TFEC: variants seen among roughly 807,000 people sequenced by gnomAD.
The protein encoded by TFEC is class E basic helix-loop-helix protein 34.
Under a neutral mutation model 41.6 loss-of-function variants are expected in TFEC, and 31 were observed. The ratio of observed to expected loss-of-function variants is 0.74; its 90% CI spans 0.56 to 1.01. The LOEUF (loss-of-function observed/expected upper bound fraction) is 1.01. TFEC is among the 50% of genes least tolerant of loss of function. The pLI is 0.00. For synonymous variants in TFEC, 143 were observed against 140.6 expected (o/e 1.02, Z -0.12); for missense variants, 402 against 404.1 (o/e 0.99, Z 0.04).
chr7:116,084,611 T>C (rs1447584445), intron 3 of TFEC, among the ~76,000 whole-genome samples: 2 of 151,696 alleles, frequency 1.3e-5, no homozygotes, highest in East Asian at 1.9e-4. Context: ...TGAGGCTACA[T>C]AGTTTCTGAA....
At chr7:116,047,624 T>C (rs1420509202) in intron 3 of TFEC, among the ~76,000 whole-genome samples, 1 of 152,108 alleles carries the variant, frequency 6.6e-6, no homozygotes, top group Admixed American at 6.5e-5. Context: ...GACTTAAACC[T>C]CCCTGTCTGA....
At chr7:116,145,119 A>G (rs2116420718) in intron 1 of TFEC, among the ~76,000 whole-genome samples, 1 of 152,312 alleles carries the variant, frequency 6.6e-6, no homozygotes, top group East Asian at 1.9e-4. Context: ...TACCTTAGGA[A>G]AGTTTTGATT....
chr7:115,980,670 A>C (rs115469292), intron 2 of TFEC, among the ~76,000 whole-genome samples: 2 of 152,154 alleles, frequency 1.3e-5, no homozygotes, highest in Non-Finnish European at 2.9e-5. Flanking sequence ...CAATCTCTTG[A>C]ACCCAGGTGG....
chr7:115,958,884 T>G (rs1792379720), intron 3 of TFEC, among the ~76,000 whole-genome samples: 2 of 151,854 alleles, frequency 1.3e-5, no homozygotes, highest in African/African-American at 4.8e-5. Context: ...AGTTTCAAAG[T>G]GTGTAATACA....
intron 1 of TFEC, among the ~76,000 whole-genome samples, chr7:115,985,695 C>T (rs913497424): frequency 6.6e-6 from 1 of 151,858 alleles, no homozygotes; most frequent in Non-Finnish European, 1.5e-5. Flanking sequence ...ATTGTACTAG[C>T]ATAAAATAAT....
chr7:116,082,016 T>C (rs1358491852), intron 3 of TFEC, among the ~76,000 whole-genome samples: 1 of 152,012 alleles, frequency 6.6e-6, no homozygotes, highest in East Asian at 1.9e-4. Context: ...TACTTATATC[T>C]TTAGTATGGT....
At chr7:116,105,385 G>C (rs1201170339) in intron 3 of TFEC, among the ~76,000 whole-genome samples, 1 of 152,198 alleles carries the variant, frequency 6.6e-6, no homozygotes, top group Non-Finnish European at 1.5e-5. Flanking sequence ...CTTTCTCTGA[G>C]CTACAAATCC....
intron 6 of TFEC, among the ~76,000 whole-genome samples, chr7:115,949,591 C>T (rs1411954754): frequency 2.0e-5 from 3 of 151,990 alleles, no homozygotes; most frequent in Non-Finnish European, 4.4e-5. Context: ...GAAAAACAAG[C>T]AATGGGGAAA....
chr7:115,977,088 A>C (rs1394676356), intron 2 of TFEC, among the ~76,000 whole-genome samples: 2 of 152,126 alleles, frequency 1.3e-5, no homozygotes, highest in Admixed American at 1.3e-4. Context: ...AAAATCTAAA[A>C]CCCAGCCTAA....
At chr7:115,998,524 AC>A (rs1022211655) in intron 1 of TFEC, among the ~76,000 whole-genome samples, 1 of 152,024 alleles carries the variant, frequency 6.6e-6, no homozygotes, top group Non-Finnish European at 1.5e-5. Flanking sequence ...AATCAAAAAA[AC>A]ATAGAATGGC....
At chr7:116,053,494 T>C (rs1796361820) in intron 3 of TFEC, among the ~76,000 whole-genome samples, 1 of 152,238 alleles carries the variant, frequency 6.6e-6, no homozygotes, top group African/African-American at 2.4e-5. Flanking sequence ...AAAAGTCATG[T>C]TGAAACCTAT....
At chr7:116,157,502 T>C (rs1038434482) in intron 1 of TFEC, 1 of 152,026 alleles carries the variant, frequency 6.6e-6, no homozygotes, top group Non-Finnish European at 1.5e-5. Flanking sequence ...CTGAAATGGG[T>C]TTGTGATTAT....
chr7:116,137,768 C>T (rs1012453874), intron 1 of TFEC, among the ~76,000 whole-genome samples: 1 of 152,008 alleles, frequency 6.6e-6, no homozygotes, highest in African/African-American at 2.4e-5. Context: ...TCTTACCTTC[C>T]TATCAATTTA....
chr7:116,120,364 A>G (rs1798085158), intron 1 of TFEC: 1 of 151,976 alleles, frequency 6.6e-6, no homozygotes, highest in African/African-American at 2.4e-5. Flanking sequence ...CCACATTCAC[A>G]TCTTCACTGA....
rs144099567 is a variant in TFEC at position 116,049,530 on chromosome 7, G to A, written c.198+61178C>T. ...ACTTAGACTCCCACAAATAATAATGGGAGACTTCAACACCCCACTGTCAAC... is the reference window on the plus strand; with the variant it reads ...ACTTAGACTCCCACAAATAATAATGAGAGACTTCAACACCCCACTGTCAAC... On this transcript the variant is annotated intron_variant, in intron 3 of 8. Coordinates refer to the TFEC transcript ENST00000484212. Among the ~76,000 whole-genome samples the A allele has an allele frequency of 5.1e-3, 780 of 152,234 alleles. 11 individuals carry two copies. The highest frequency in any genetic ancestry group is 0.018 in the African/African-American group (744 of 41,522).
intron 3 of TFEC, among the ~76,000 whole-genome samples, chr7:116,086,224 T>G (rs1797200496): frequency 6.6e-6 from 1 of 151,894 alleles, no homozygotes; most frequent in African/African-American, 2.4e-5. Context: ...AGATTGATGC[T>G]TAGCCTCCCA....
intron 2 of TFEC, 150 bp from the exon 3 acceptor site, chr7:115,974,406 T>TTATATATATATATATATATATA (rs572119521): frequency 6.2e-5 from 4 of 64,998 alleles, no homozygotes; most frequent in Non-Finnish European, 1.0e-4. Flanking sequence ...AACCTCAATA[T>TTATATATATATATATATATATA]TATATATATA....
intron 1 of TFEC, among the ~76,000 whole-genome samples, chr7:116,133,844 C>T (rs1034864950): frequency 2.7e-4 from 41 of 151,904 alleles, no homozygotes; most frequent in Admixed American, 1.6e-3. Context: ...GATTAGAGAG[C>T]GATGTTTATG....
intron 1 of TFEC, among the ~76,000 whole-genome samples, chr7:116,147,790 T>C (rs909169045): frequency 6.6e-6 from 1 of 152,144 alleles, no homozygotes; most frequent in Non-Finnish European, 1.5e-5. Context: ...CCCTATGAAA[T>C]TATCTCTCAT....
Sources: allele counts gnomAD v4.1 joint callset (sites outside exome capture counted in the v4.1 genomes callset), GRCh38; gene constraint gnomAD v4.1.1; transcripts MANE v1.5; gene names NCBI Gene and HGNC (gene_info 2026-07-23, HGNC 2026-07-21).